The following CELF4 variants were observed in gnomAD, a reference collection of about 807,000 sequenced individuals.
CELF4 encodes the protein CUG-BP- and ETR-3-like factor 4.
In CELF4, 18 loss-of-function variants were observed where a neutral mutation model predicts 59.9. The ratio of observed to expected loss-of-function variants is 0.30; its 90% CI spans 0.21 to 0.45. The LOEUF (loss-of-function observed/expected upper bound fraction) is 0.45, where lower values mean the gene tolerates loss of function less well. Among genes scored for constraint, CELF4 ranks in the 20% least tolerant of loss-of-function variants. CELF4 has a pLI of 1.00. For synonymous variants in CELF4, 261 were observed against 267.1 expected, an observed-to-expected ratio of 0.98 and a Z score of 0.22; for missense variants, 456 against 689.0, an observed-to-expected ratio of 0.66 and a Z score of 3.79.
intron 2 of CELF4, among the ~76,000 whole-genome samples, chr18:37,390,804 G>GAGT (rs759387784): frequency 4.5e-5 from 3 of 66,282 alleles, no homozygotes; most frequent in Non-Finnish European, 9.6e-5. Context: ...TGATGGGGCG[G>GAGT]GGAGGGGGGG....
At chr18:37,354,404 G>A (rs373229070) in intron 2 of CELF4, among the ~76,000 whole-genome samples, 13 of 152,238 alleles carry the variant, frequency 8.5e-5, no homozygotes, top group Admixed American at 2.6e-4. Context: ...GGGGCGCAGA[G>A]GGCCTGGGCT....
At chr18:37,534,261 C>T (rs1569569787) in intron 1 of CELF4, among the ~76,000 whole-genome samples, 1 of 152,134 alleles carries the variant, frequency 6.6e-6, no homozygotes, top group Non-Finnish European at 1.5e-5. Context: ...TAATCATCGG[C>T]CCCTAGCTGG....
At chr18:37,345,075 C>A (rs544454996) in intron 2 of CELF4, among the ~76,000 whole-genome samples, 1 of 152,090 alleles carries the variant, frequency 6.6e-6, no homozygotes, top group Non-Finnish European at 1.5e-5. Context: ...GCTGTGGAGG[C>A]GGACAGAAAA....
chr18:37,484,056 C>T (rs2099875967), intron 2 of CELF4, among the ~76,000 whole-genome samples: 1 of 152,120 alleles, frequency 6.6e-6, no homozygotes, highest in South Asian at 2.1e-4. Context: ...CTTTCTGTTT[C>T]CCCTTCTGAT....
chr18:37,358,623 CCAGGTGCTTTA>C (rs979891603), intron 2 of CELF4, among the ~76,000 whole-genome samples: 4 of 152,188 alleles, frequency 2.6e-5, no homozygotes, highest in African/African-American at 9.6e-5. Context: ...CTGAATTAGT[CCAGGTGCTTTA>C]CACCTCGCTG....
chr18:37,335,320 C>T (rs1406197788), intron 2 of CELF4, among the ~76,000 whole-genome samples: 2 of 151,872 alleles, frequency 1.3e-5, no homozygotes, highest in East Asian at 1.9e-4. Flanking sequence ...AATGTGTGTG[C>T]GTGAGGGCTG....
At chr18:37,273,562 T>C (rs2092306901) in intron 6 of CELF4, 1 of 996,464 alleles carries the variant, frequency 1.0e-6, no homozygotes, top group Admixed American at 5.8e-5. Flanking sequence ...AGAATGGTTT[T>C]AATTTGGAGT....
At position 37,270,714 on chromosome 18, in the gene CELF4, G is replaced by A; in HGVS notation, c.1099+54C>T. The A allele has an allele frequency of 6.2e-6, 10 of 1,601,946 alleles. No individual in the cohort carries two copies. The South Asian group carries it at 9.9e-5, about 16-fold the overall frequency. On this transcript the variant is annotated intron_variant, in intron 8 of 12. Coordinates refer to ENST00000420428, the MANE Select transcript of CELF4 (RefSeq NM_020180.4). ...TGTTATAACAGCAAGGGCAGGGACAGCATGGATAAAGAATGTGCTGCATAC... is the reference window on the plus strand; with the variant it reads ...TGTTATAACAGCAAGGGCAGGGACAACATGGATAAAGAATGTGCTGCATAC...
intron 2 of CELF4, among the ~76,000 whole-genome samples, chr18:37,362,228 T>TAGCTCC (rs999447455): frequency 5.9e-5 from 9 of 152,170 alleles, no homozygotes; most frequent in East Asian, 1.9e-4. Flanking sequence ...AACCAGTAAT[T>TAGCTCC]AGCTCCAGCT....
chr18:37,325,102 G>A (rs905458930), intron 2 of CELF4, among the ~76,000 whole-genome samples: 4 of 152,146 alleles, frequency 2.6e-5, no homozygotes, highest in Non-Finnish European at 4.4e-5. Context: ...GCCTGGCTGA[G>A]AAGGGGCAGG....
At chr18:37,454,589 G>T (rs1396624405) in intron 2 of CELF4, among the ~76,000 whole-genome samples, 2 of 152,030 alleles carry the variant, frequency 1.3e-5, no homozygotes, top group East Asian at 1.9e-4. Flanking sequence ...AATAAGCAAG[G>T]TATTCAGGAC....
intron 2 of CELF4, among the ~76,000 whole-genome samples, chr18:37,427,075 C>G (rs1466765310): frequency 6.6e-6 from 1 of 151,758 alleles, no homozygotes; most frequent in Non-Finnish European, 1.5e-5. Flanking sequence ...GTGAAGCCCA[C>G]CATGGCAGCA....
chr18:37,440,143 G>C (rs1369750583), intron 2 of CELF4, among the ~76,000 whole-genome samples: 3 of 152,170 alleles, frequency 2.0e-5, no homozygotes, highest in African/African-American at 7.2e-5. Context: ...GACCTGGGGA[G>C]ATTTGGCCAT....
At chr18:37,362,728 T>C (rs749418069) in intron 2 of CELF4, among the ~76,000 whole-genome samples, 5 of 152,180 alleles carry the variant, frequency 3.3e-5, no homozygotes, top group Non-Finnish European at 5.9e-5. Context: ...CTGTGTCAAC[T>C]GTGGCCTTTC....
intron 2 of CELF4, among the ~76,000 whole-genome samples, chr18:37,378,506 G>A (rs1452865749): frequency 1.3e-5 from 2 of 152,176 alleles, no homozygotes; most frequent in Non-Finnish European, 2.9e-5. Context: ...TAAGATGGGC[G>A]GCATTATTGT....
intron 2 of CELF4, among the ~76,000 whole-genome samples, chr18:37,355,134 T>G (rs902258744): frequency 3.3e-5 from 5 of 152,216 alleles, no homozygotes; most frequent in African/African-American, 1.2e-4. Flanking sequence ...TGTATGTGAC[T>G]CTGGGAGAGA....
At chr18:37,540,003 A>G (rs1045659538) in intron 1 of CELF4, among the ~76,000 whole-genome samples, 1 of 152,156 alleles carries the variant, frequency 6.6e-6, no homozygotes, top group Admixed American at 6.5e-5. Context: ...ATATGCATTG[A>G]TGTGTGCGTA....
At chr18:37,403,487 T>C (rs368267053) in intron 2 of CELF4, among the ~76,000 whole-genome samples, 4 of 152,182 alleles carry the variant, frequency 2.6e-5, no homozygotes, top group African/African-American at 9.6e-5. Context: ...TGGGGACAAA[T>C]GGCTGGAGTG....
chr18:37,546,305 G>A (rs1420212715), intron 1 of CELF4, among the ~76,000 whole-genome samples: 1 of 152,146 alleles, frequency 6.6e-6, no homozygotes, highest in Non-Finnish European at 1.5e-5. Context: ...CTCACAGGCC[G>A]GGATTGGAGT....
Sources: gnomAD v4.1 joint callset for allele counts (sites outside exome capture counted in the v4.1 genomes callset) on GRCh38, gnomAD v4.1.1 for gene constraint, MANE v1.5 for transcripts, NCBI Gene and HGNC (gene_info 2026-07-23, HGNC 2026-07-21) for gene names.